Variants in DLG2 observed in about 807,000 individuals in gnomAD.
DLG2 encodes discs large MAGUK scaffold protein 2.
DLG2 carries 45 observed loss-of-function variants against 132.5 expected under a neutral mutation model. The ratio of observed to expected loss-of-function variants is 0.34; its 90% CI spans 0.27 to 0.44. DLG2 has a LOEUF of 0.44. DLG2 is among the 20% of genes least tolerant of loss of function. DLG2 has a pLI of 1.00. For missense variants in DLG2, 1,045 were observed against 1,196.9 expected (o/e 0.87, Z 1.87); for synonymous variants, 424 against 419.6 (o/e 1.01, Z -0.13).
chr11:84,589,154 G>A (rs955290324), intron 6 of DLG2, among the ~76,000 whole-genome samples: 11 of 152,296 alleles, frequency 7.2e-5, no homozygotes, highest in Non-Finnish European at 1.5e-4. Context: ...AAGAAAGAGA[G>A]AATGTCTTTG....
At chr11:84,436,031 C>A (rs1407937777) in intron 7 of DLG2, among the ~76,000 whole-genome samples, 1 of 152,076 alleles carries the variant, frequency 6.6e-6, no homozygotes, top group African/African-American at 2.4e-5. Context: ...CTCTTTCCTG[C>A]AAAATTACTT....
chr11:84,610,591 T>G (rs1555093578), intron 6 of DLG2, among the ~76,000 whole-genome samples: 3 of 152,056 alleles, frequency 2.0e-5, no homozygotes, highest in Non-Finnish European at 4.4e-5. Context: ...AAGCCAATGG[T>G]GGAAGCCTGA....
intron 3 of DLG2, among the ~76,000 whole-genome samples, chr11:85,295,149 A>T (rs2079138974): frequency 6.6e-6 from 1 of 152,144 alleles, no homozygotes; most frequent in South Asian, 2.1e-4. Context: ...TTTCAATTTC[A>T]CATCAATCAT....
chr11:83,778,817 C>G (rs1466472461), intron 18 of DLG2, among the ~76,000 whole-genome samples: 6 of 151,980 alleles, frequency 3.9e-5, no homozygotes. Flanking sequence ...GCAGACTGTT[C>G]AGGAATCATC....
intron 6 of DLG2, among the ~76,000 whole-genome samples, chr11:84,573,582 C>T (rs2099491133): frequency 6.6e-6 from 1 of 152,044 alleles, no homozygotes; most frequent in South Asian, 2.1e-4. Context: ...CTACCTTAAA[C>T]CACATACATT....
intron 6 of DLG2, among the ~76,000 whole-genome samples, chr11:84,610,300 G>A (rs1363265803): frequency 6.6e-6 from 1 of 151,890 alleles, no homozygotes; most frequent in Admixed American, 6.6e-5. Context: ...TCTGTAGTGA[G>A]CATATATTAC....
chr11:84,527,590 C>G (rs550839372), intron 7 of DLG2, among the ~76,000 whole-genome samples: 1 of 152,244 alleles, frequency 6.6e-6, no homozygotes, highest in Non-Finnish European at 1.5e-5. Flanking sequence ...AATTCGAAGA[C>G]ACACAATAAT....
rs28870159 is a variant in DLG2 at position 83,887,111 on chromosome 11, A to G, written c.1497-12623T>C. Among the ~76,000 whole-genome samples the G allele has an allele frequency of 2.5e-3, 376 of 152,350 alleles. 3 individuals are homozygous for G. Among genetic ancestry groups the G allele is most frequent in the Non-Finnish European group, 4.1e-3 (278 of 68,034 alleles). ...AATAACTAAGATCAGAGCAGAACTG[A>G]AGGAAATAGAGACACAAAAAACCCT... On this transcript the variant is annotated intron_variant, in intron 15 of 27. Coordinates refer to ENST00000376104, the MANE Select transcript of DLG2 (RefSeq NM_001142699.3).
chr11:83,654,734 A>G (rs2071799135), intron 18 of DLG2, among the ~76,000 whole-genome samples: 1 of 152,268 alleles, frequency 6.6e-6, no homozygotes, highest in African/African-American at 2.4e-5. Flanking sequence ...ATACGTCTAT[A>G]GAAATGAAGT....
intron 19 of DLG2, among the ~76,000 whole-genome samples, chr11:83,566,252 T>C (rs945771264): frequency 3.9e-5 from 6 of 152,174 alleles, no homozygotes; most frequent in African/African-American, 7.2e-5. Flanking sequence ...ATACTGGACA[T>C]AGAGGAATGA....
intron 4 of DLG2, among the ~76,000 whole-genome samples, chr11:85,194,242 C>T (rs955363692): frequency 6.6e-6 from 1 of 152,132 alleles, no homozygotes; most frequent in Non-Finnish European, 1.5e-5. Context: ...CAGTGGGGAC[C>T]GTGAGAGATG....
At chr11:85,488,666 C>G (rs1027278476) in intron 3 of DLG2, among the ~76,000 whole-genome samples, 5 of 152,120 alleles carry the variant, frequency 3.3e-5, no homozygotes, top group African/African-American at 1.2e-4. Context: ...GTATTCCCAG[C>G]AAAGCCTTAT....
intron 9 of DLG2, among the ~76,000 whole-genome samples, chr11:84,118,081 T>C (rs962996309): frequency 9.2e-5 from 14 of 152,130 alleles, no homozygotes; most frequent in Non-Finnish European, 1.5e-4. Context: ...GGTCTTGAAC[T>C]CCTGACCGCA....
intron 14 of DLG2, among the ~76,000 whole-genome samples, chr11:83,957,309 T>C (rs1352307255): frequency 6.6e-6 from 1 of 152,212 alleles, no homozygotes; most frequent in Non-Finnish European, 1.5e-5. Flanking sequence ...CAAATACTTA[T>C]GCTGTTCCTG....
At position 84,317,063 on chromosome 11, in the gene DLG2, A is replaced by C. The variant is rs1344859533; in HGVS notation, c.520-65772T>G. The C allele has an allele frequency of 3.7e-6, 6 of 1,612,690 alleles. No homozygotes were observed. In the African/African-American group the frequency reaches 8.0e-5, roughly 22 times the overall value. ...GCCACAAGCACAGTGGGCATCCCTG[A>C]TCAGGGTGGGCGCACTCCTGACGGC... On this transcript the variant is annotated intron_variant, in intron 7 of 27. Coordinates refer to ENST00000376104, the MANE Select transcript of DLG2 (RefSeq NM_001142699.3).
In DLG2 at chr11:83,965,313, A is replaced by G. The variant is rs149021086; in HGVS notation, c.1201+11T>C. On this transcript the variant is annotated intron_variant, in intron 13 of 27. Coordinates refer to ENST00000376104, the MANE Select transcript of DLG2 (RefSeq NM_001142699.3). ...TCTGGCATGCTATTTGAAGATGACA[A>G]TGGTACTTACAGTGAGTAATATCAG... The G allele has an allele frequency of 4.4e-6, 7 of 1,596,492 alleles. No homozygotes were observed. Among genetic ancestry groups the G allele is most frequent in the East Asian group, 4.5e-5 (2 of 44,338 alleles).
intron 4 of DLG2, among the ~76,000 whole-genome samples, chr11:85,274,200 A>G (rs1011134863): frequency 2.0e-5 from 3 of 152,198 alleles, no homozygotes; most frequent in Non-Finnish European, 4.4e-5. Flanking sequence ...ACATGTATAC[A>G]TATGTAACAA....
At chr11:84,087,477 G>A (rs1393797111) in intron 10 of DLG2, among the ~76,000 whole-genome samples, 1 of 152,094 alleles carries the variant, frequency 6.6e-6, no homozygotes, top group Non-Finnish European at 1.5e-5. Context: ...ATTCAAATTT[G>A]TGGTAGGCTG....
chr11:84,824,145 C>T (rs2078049748), intron 6 of DLG2, among the ~76,000 whole-genome samples: 1 of 151,922 alleles, frequency 6.6e-6, no homozygotes, highest in Non-Finnish European at 1.5e-5. Flanking sequence ...GCAATCCTAG[C>T]AACCAAACAC....
Sources: gnomAD v4.1 joint callset for allele counts (sites outside exome capture counted in the v4.1 genomes callset) on GRCh38, gnomAD v4.1.1 for gene constraint, MANE v1.5 for transcripts, NCBI Gene and HGNC (gene_info 2026-07-23, HGNC 2026-07-21) for gene names.